CUX1: variants seen among roughly 807,000 people sequenced by gnomAD.
CUX1 encodes the protein protein CASP.
In CUX1, 31 loss-of-function variants were observed where a neutral mutation model predicts 158.8. The ratio of observed to expected loss-of-function variants is 0.20; its 90% CI spans 0.15 to 0.26. The LOEUF (loss-of-function observed/expected upper bound fraction) is 0.26, where lower values mean the gene tolerates loss of function less well. CUX1 is among the 10% of genes least tolerant of loss of function. The pLI is 1.00. For missense variants in CUX1, 1,589 were observed against 2,014.6 expected (o/e 0.79, Z 4.04); for synonymous variants, 879 against 862.1 (o/e 1.02, Z -0.34).
intron 1 of CUX1, among the ~76,000 whole-genome samples, chr7:101,830,298 G>A (rs112824251): frequency 4.6e-5 from 7 of 152,170 alleles, no homozygotes; most frequent in East Asian, 1.9e-4. Flanking sequence ...GATGTTGGGC[G>A]TGTGTTTTCT....
Position 102,253,856 on chromosome 7 carries a change from TCCTGTGCTGCCGGTGGGGGGC to T in CUX1, c.*4820_*4840del, listed in dbSNP as rs1801787435. Reference sequence around the variant, plus strand: ...TGGTACTTTAGGCTGGAGGTTTGGCTCCTGTGCTGCCGGTGGGGGGCCCTGTCCCTCCCCAGATGTCCTCCC... The same window carrying T: ...TGGTACTTTAGGCTGGAGGTTTGGCTCCTGTCCCTCCCCAGATGTCCTCCC... On this transcript the variant is annotated 3_prime_UTR_variant, in exon 24 of 24. Transcript: ENST00000292535. 2 of 985,860 alleles carry T rather than the reference TCCTGTGCTGCCGGTGGGGGGC, an allele frequency of 2.0e-6. No homozygotes were observed. The highest frequency in any genetic ancestry group is 2.4e-6 in the Non-Finnish European group (2 of 830,296). 61.1% of individuals were successfully genotyped at this position (985,860 alleles called of 1,614,324 possible).
intron 8 of CUX1, among the ~76,000 whole-genome samples, chr7:102,132,294 T>TGA (rs1833349818): frequency 3.7e-5 from 1 of 27,016 alleles, no homozygotes; most frequent in Admixed American, 5.3e-4. Flanking sequence ...AGAGAGAGAG[T>TGA]GTGTGTGTGT....
intron 4 of CUX1, among the ~76,000 whole-genome samples, chr7:102,090,366 C>CT (rs1563227059): frequency 6.7e-6 from 1 of 150,332 alleles, no homozygotes; most frequent in African/African-American, 2.5e-5. Flanking sequence ...TCCATGATAC[C>CT]GTTTTTTTTT....
At chr7:102,088,616 A>T (rs1828194694) in intron 4 of CUX1, among the ~76,000 whole-genome samples, 1 of 152,238 alleles carries the variant, frequency 6.6e-6, no homozygotes. Context: ...CCTGGGTGAC[A>T]GAGCAAGACT....
At chr7:102,273,802 TAAAG>T (rs1554546931) in intron 15 of CUX1, among the ~76,000 whole-genome samples, 79 of 152,268 alleles carry the variant, frequency 5.2e-4, no homozygotes, top group African/African-American at 1.8e-3. Context: ...ATCTCCCAGC[TAAAG>T]GACCTGGAGC....
At chr7:102,230,103 GTTGCAGT>G (rs1393013138) in intron 21 of CUX1, among the ~76,000 whole-genome samples, 1 of 152,166 alleles carries the variant, frequency 6.6e-6, no homozygotes, top group Non-Finnish European at 1.5e-5. Flanking sequence ...CTACCGAGTG[GTTGCAGT>G]TTGTCTGCTG....
chr7:102,206,946 G>T (rs529251350), intron 20 of CUX1, among the ~76,000 whole-genome samples: 15 of 152,144 alleles, frequency 9.9e-5, no homozygotes, highest in Non-Finnish European at 1.6e-4. Flanking sequence ...AGTCTCCCCT[G>T]GTGCCAGGCC....
chr7:102,216,802 ACACCCCCACACACACTCTCCCAC>A lies in CUX1; in HGVS notation c.3131-10561_3131-10539del, dbSNP rs1554525018. ...CTCCCACACACACACTCTCCCACAC[ACACCCCCACACACACTCTCCCAC>A]CACACACACACACACATTCTCTCTC... On this transcript the variant is annotated intron_variant, in intron 20 of 23. Transcript: ENST00000292535. Among the ~76,000 whole-genome samples, 71 of 45,484 alleles carry A rather than the reference ACACCCCCACACACACTCTCCCAC, an allele frequency of 1.6e-3. No homozygotes were observed. In the East Asian group the frequency reaches 0.03, roughly 19 times the overall value. The allele number at this position is 45,484 out of a possible 152,430, so 29.8% of individuals were successfully genotyped here.
intron 20 of CUX1, among the ~76,000 whole-genome samples, chr7:102,209,789 T>C (rs57673817): frequency 0.093 from 14,091 of 152,286 alleles, 908 homozygotes; most frequent in African/African-American, 0.17. Flanking sequence ...CCATACCAAA[T>C]GTTCATAGAG....
chr7:102,058,260 G>T (rs2130288718), intron 3 of CUX1, among the ~76,000 whole-genome samples: 1 of 152,122 alleles, frequency 6.6e-6, no homozygotes, highest in Middle Eastern at 3.4e-3. Flanking sequence ...TGCAATATTT[G>T]CTCTTTTTGT....
chr7:102,259,613 A>G (rs1725624), downstream of CUX1, among the ~76,000 whole-genome samples: 39,019 of 151,594 alleles, frequency 0.26, 5,550 homozygotes, highest in East Asian at 0.61. Flanking sequence ...CAAAAAAATA[A>G]CCCTAAGAAC....
chr7:102,280,902 G>C, intron 20 of CUX1: 1 of 1,586,062 alleles, frequency 6.3e-7, no homozygotes, highest in Non-Finnish European at 8.6e-7. Flanking sequence ...GGACAGGCCT[G>C]AGCCTCTGTC....
At chr7:102,265,006 C>A (rs1790696758) in intron 14 of CUX1, 1 of 152,206 alleles carries the variant, frequency 6.6e-6, no homozygotes, top group Non-Finnish European at 1.5e-5. Flanking sequence ...GTCAGAGACA[C>A]AAATGTCCAG....
rs369450384 is a variant in CUX1 at position 102,201,316 on chromosome 7, A to T, written c.2063-44A>T. The T allele has an allele frequency of 2.5e-6, 4 of 1,586,264 alleles. No homozygotes were observed. The African/African-American group carries it at 4.0e-5, about 16-fold the overall frequency. On this transcript the variant is annotated intron_variant, in intron 17 of 23. Transcript: ENST00000292535. The surrounding 1 kb of genome is among the most constrained non-coding windows in gnomAD (Gnocchi z 5.0). ...GGATGAGAAGCATGTCCCCAGCTGA[A>T]GGGGGCCGCCCTGCCACACTCTCAC...
At position 102,202,173 on chromosome 7, in the gene CUX1, A is replaced by G; in HGVS notation, c.2876A>G (p.Asn959Ser). 2 of 1,610,656 alleles carry G rather than the reference A, an allele frequency of 1.2e-6. No homozygotes were observed. Among genetic ancestry groups the G allele is most frequent in the Non-Finnish European group, 1.7e-6 (2 of 1,177,436 alleles). ...TRQVKEKLAK[N>S]GICQRIFGEK... ...CAGGTTAAGGAAAAGCTGGCCAAGA[A>G]CGGCATCTGCCAGAGAATCTTCGGG... Residue 959 changes from asparagine to serine, a missense_variant, in exon 18 of 24, where the codon AAC becomes AGC. This residue lies in a region of CUX1 where 29 missense variants were observed against 66.6 expected (regional missense o/e 0.44). Coordinates refer to ENST00000292535, the MANE Select transcript of CUX1 (RefSeq NM_181552.4).
intron 8 of CUX1, among the ~76,000 whole-genome samples, chr7:102,151,749 A>T (rs1835702122): frequency 6.7e-6 from 1 of 148,984 alleles, no homozygotes; most frequent in Admixed American, 6.7e-5. Flanking sequence ...AAAAAAAAAA[A>T]AAAAAAAAAC....
At chr7:101,967,469 T>C (rs1465428991) in intron 2 of CUX1, among the ~76,000 whole-genome samples, 1 of 152,188 alleles carries the variant, frequency 6.6e-6, no homozygotes, top group Admixed American at 6.5e-5. Flanking sequence ...AAACTGCAGG[T>C]TTCAGAAGCC....
chr7:101,971,068 C>G (rs1466529059), intron 2 of CUX1, among the ~76,000 whole-genome samples: 1 of 152,250 alleles, frequency 6.6e-6, no homozygotes, highest in Non-Finnish European at 1.5e-5. Context: ...ATCCTGACAA[C>G]AGTCCTGAAA....
chr7:101,965,118 C>T (rs1252204137), intron 2 of CUX1, among the ~76,000 whole-genome samples: 2 of 152,192 alleles, frequency 1.3e-5, no homozygotes, highest in Non-Finnish European at 1.5e-5. Context: ...TGAGCCTCCT[C>T]GGAAATGGCA....
Sources: allele counts gnomAD v4.1 joint callset (sites outside exome capture counted in the v4.1 genomes callset), GRCh38; gene constraint gnomAD v4.1.1; regional missense constraint gnomAD v4.1.1; non-coding constraint Gnocchi (gnomAD v3.1); transcripts MANE v1.5; gene names NCBI Gene and HGNC (gene_info 2026-07-23, HGNC 2026-07-21).